SLC38A11: variants seen among roughly 807,000 people sequenced by gnomAD.
SLC38A11 encodes the protein putative sodium-coupled neutral amino acid transporter 11.
SLC38A11 carries 51 observed loss-of-function variants against 49.4 expected under a neutral mutation model. The ratio of observed to expected loss-of-function variants is 1.03; its 90% CI spans 0.83 to 1.30. The LOEUF is 1.30. Among genes scored for constraint, SLC38A11 ranks in the 50% most tolerant of loss-of-function variants. The probability of loss-of-function intolerance (pLI) is 0.00; values close to 1 mark genes in which losing one functional copy is unlikely to be tolerated. For synonymous variants in SLC38A11, 203 were observed against 192.9 expected (o/e 1.05, Z -0.43); for missense variants, 574 against 556.2 (o/e 1.03, Z -0.32).
chr2:164,946,631 C>A (rs2105512375), intron 3 of SLC38A11, among the ~76,000 whole-genome samples: 1 of 150,200 alleles, frequency 6.7e-6, no homozygotes, highest in African/African-American at 2.5e-5. Context: ...TAGATATATA[C>A]AGAAATTATA....
At chr2:164,949,443 A>C (rs1688371800) in intron 3 of SLC38A11, among the ~76,000 whole-genome samples, 1 of 152,112 alleles carries the variant, frequency 6.6e-6, no homozygotes, top group African/African-American at 2.4e-5. Flanking sequence ...TTTTTAGTAG[A>C]GACAGGGTTT....
intron 11 of SLC38A11, among the ~76,000 whole-genome samples, chr2:164,904,586 A>G (rs1574734937): frequency 6.6e-6 from 1 of 152,314 alleles, no homozygotes; most frequent in Middle Eastern, 3.4e-3. Context: ...TAAAATAAAA[A>G]AGAATTCCTA....
chr2:164,919,877 A>G (rs1686059327), intron 7 of SLC38A11, among the ~76,000 whole-genome samples: 1 of 152,226 alleles, frequency 6.6e-6, no homozygotes, highest in African/African-American at 2.4e-5. Context: ...AATAGTATAC[A>G]GTATATACAC....
intron 3 of SLC38A11, among the ~76,000 whole-genome samples, chr2:164,946,291 G>T (rs1307626169): frequency 6.6e-6 from 1 of 152,076 alleles, no homozygotes; most frequent in African/African-American, 2.4e-5. Context: ...ATTTTTGGCC[G>T]GCGCAGTGGC....
At chr2:164,921,294 G>C (rs1262904737) in intron 7 of SLC38A11, among the ~76,000 whole-genome samples, 3 of 152,098 alleles carry the variant, frequency 2.0e-5, no homozygotes, top group Non-Finnish European at 4.4e-5. Context: ...TGTAATCTTT[G>C]ATTTCATAAA....
chr2:164,895,697 C>T lies in SLC38A11; in HGVS notation c.*2740G>A, dbSNP rs1452227096. ...AAGGCAGTTTACTTCTTCTCCCATC[C>T]AAGTACTAACAAGGCCAGACCATAC... is the stretch of plus-strand genomic sequence containing the variant. On this transcript the variant is annotated 3_prime_UTR_variant, in exon 12 of 12. Transcript: ENST00000685975. The T allele has an allele frequency of 6.6e-6, 1 of 152,140 alleles. No individual in the cohort carries two copies. The highest frequency in any genetic ancestry group is 1.5e-5 in the Non-Finnish European group (1 of 68,032). 9.4% of individuals were successfully genotyped at this position (152,140 alleles called of 1,614,324 possible).
chr2:164,943,600 G>C (rs917113906), intron 5 of SLC38A11, among the ~76,000 whole-genome samples: 5 of 152,158 alleles, frequency 3.3e-5, no homozygotes, highest in African/African-American at 1.2e-4. Context: ...CTGGAGATTA[G>C]GATTTGACTA....
chr2:164,938,679 A>T (rs981570331), intron 6 of SLC38A11, among the ~76,000 whole-genome samples: 16 of 152,230 alleles, frequency 1.1e-4, no homozygotes, highest in African/African-American at 3.9e-4. Context: ...GATGAACTTC[A>T]TAAATAGATA....
chr2:164,930,144 A>C (rs10185305), intron 7 of SLC38A11, among the ~76,000 whole-genome samples: 102,700 of 151,824 alleles, frequency 0.68, 35,131 homozygotes, highest in East Asian at 0.99. Context: ...ATAAACTAGA[A>C]ACTCTAGAAG....
intron 10 of SLC38A11, among the ~76,000 whole-genome samples, chr2:164,910,687 CTG>C (rs1483560993): frequency 6.6e-6 from 1 of 152,098 alleles, no homozygotes; most frequent in Non-Finnish European, 1.5e-5. Context: ...ATTTAAAGCT[CTG>C]TAGATATTTC....
chr2:164,926,835 G>A (rs1686627976), intron 7 of SLC38A11, among the ~76,000 whole-genome samples: 1 of 142,008 alleles, frequency 7.0e-6, no homozygotes, highest in South Asian at 2.3e-4. Context: ...GACACAGGGT[G>A]GTGAACACCA....
Position 164,947,117 on chromosome 2 carries a change from C to CTTTTTTTTTTTTTTTTTTTT in SLC38A11, c.230-1410_230-1391dup, listed in dbSNP as rs200284770. The stretch of plus-strand genomic sequence containing the variant: ...CCTGGATTCTTGGACTTTTTTATCT[C>CTTTTTTTTTTTTTTTTTTTT]TTTTTTTTTTTTTTTTTTTTTTTTT... On this transcript the variant is annotated intron_variant, in intron 3 of 11. Coordinates refer to ENST00000685975, the MANE Select transcript of SLC38A11 (RefSeq NM_001351537.2). 2.7e-4 allele frequency among the ~76,000 whole-genome samples: 20 copies of CTTTTTTTTTTTTTTTTTTTT among 72,904 alleles called. 4 individuals are homozygous for CTTTTTTTTTTTTTTTTTTTT. Among genetic ancestry groups the CTTTTTTTTTTTTTTTTTTTT allele is most frequent in the African/African-American group, 1.2e-3 (16 of 12,988 alleles). 47.8% of individuals were successfully genotyped at this position (72,904 alleles called of 152,430 possible).
intron 9 of SLC38A11, 72 bp downstream of exon 9, chr2:164,915,040 C>A: frequency 3.7e-6 from 5 of 1,358,378 alleles, no homozygotes; most frequent in East Asian, 2.5e-5. Context: ...ATACCTGTAA[C>A]AATAATGAGT....
intron 10 of SLC38A11, among the ~76,000 whole-genome samples, 166 bp from the exon 11 acceptor site, chr2:164,908,937 T>C (rs911534533): frequency 6.6e-6 from 1 of 152,166 alleles, no homozygotes; most frequent in African/African-American, 2.4e-5. Context: ...ATTACTTACA[T>C]ACAGACACAC....
intron 11 of SLC38A11, among the ~76,000 whole-genome samples, chr2:164,904,346 C>A (rs1684851167): frequency 6.6e-6 from 1 of 151,948 alleles, no homozygotes; most frequent in African/African-American, 2.4e-5. Flanking sequence ...TAAAATGAAA[C>A]CTTTAAAACT....
At chr2:164,933,238 A>C (rs1687131335) in intron 7 of SLC38A11, among the ~76,000 whole-genome samples, 1 of 147,148 alleles carries the variant, frequency 6.8e-6, no homozygotes, top group African/African-American at 2.7e-5. Context: ...AAGGCATTAA[A>C]TGAAGGGTTT....
chr2:164,907,053 T>A (rs906150560), intron 11 of SLC38A11, among the ~76,000 whole-genome samples: 4 of 152,072 alleles, frequency 2.6e-5, no homozygotes, highest in African/African-American at 9.7e-5. Flanking sequence ...TGATGAGAAA[T>A]TCTGTAAGGA....
At chr2:164,909,240 A>G (rs1486964480) in intron 10 of SLC38A11, among the ~76,000 whole-genome samples, 1 of 152,048 alleles carries the variant, frequency 6.6e-6, no homozygotes, top group African/African-American at 2.4e-5. Flanking sequence ...ACTAATTCCT[A>G]TTTGTTATAA....
intron 3 of SLC38A11, among the ~76,000 whole-genome samples, chr2:164,949,190 T>C (rs1209160764): frequency 3.0e-5 from 3 of 100,904 alleles, no homozygotes; most frequent in Non-Finnish European, 4.0e-5. Context: ...ACCCATCGGA[T>C]TCTAATTTAA....
Sources: gnomAD v4.1 joint callset for allele counts (sites outside exome capture counted in the v4.1 genomes callset) on GRCh38, gnomAD v4.1.1 for gene constraint, MANE v1.5 for transcripts, NCBI Gene and HGNC (gene_info 2026-07-23, HGNC 2026-07-21) for gene names.